RFX3: variants seen among roughly 807,000 people sequenced by gnomAD.
RFX3 encodes regulatory factor X3.
Under a neutral mutation model 98.6 loss-of-function variants are expected in RFX3, and 14 were observed. That is an observed-to-expected ratio of 0.14 (90% CI 0.09 to 0.22). The LOEUF (loss-of-function observed/expected upper bound fraction) is 0.22, where lower values mean the gene tolerates loss of function less well. Among genes scored for constraint, RFX3 ranks in the 10% least tolerant of loss-of-function variants. RFX3 has a pLI of 1.00. For missense variants in RFX3, 639 were observed against 926.9 expected, an observed-to-expected ratio of 0.69 and a Z score of 4.03; for synonymous variants, 383 against 328.4, an observed-to-expected ratio of 1.17 and a Z score of -1.80.
intron 1 of RFX3, among the ~76,000 whole-genome samples, chr9:3,504,864 T>TATATTATATATAATATATATAAC (rs1564185208): frequency 1.4e-5 from 1 of 71,020 alleles, no homozygotes; most frequent in Non-Finnish European, 2.2e-5. Context: ...TATGATATAA[T>TATATTATATATAATATATATAAC]ATATATTATA....
chr9:3,353,062 C>T (rs908363411), intron 2 of RFX3, among the ~76,000 whole-genome samples: 2 of 151,848 alleles, frequency 1.3e-5, no homozygotes, highest in East Asian at 1.9e-4. Flanking sequence ...ATGGATGAAA[C>T]TGGAAATCAT....
intron 7 of RFX3, among the ~76,000 whole-genome samples, chr9:3,281,705 C>T (rs1164169029): frequency 1.3e-5 from 2 of 151,710 alleles, no homozygotes; most frequent in African/African-American, 4.8e-5. Flanking sequence ...TGCATAAAAC[C>T]TGTCACTAAC....
chr9:3,444,603 G>A (rs998508105), intron 1 of RFX3, among the ~76,000 whole-genome samples: 48 of 152,096 alleles, frequency 3.2e-4, no homozygotes, highest in African/African-American at 9.4e-4. Flanking sequence ...CAACAAAGCT[G>A]TTTTTCACAA....
intron 2 of RFX3, among the ~76,000 whole-genome samples, chr9:3,350,823 A>C (rs979471469): frequency 6.6e-6 from 1 of 152,148 alleles, no homozygotes; most frequent in African/African-American, 2.4e-5. Flanking sequence ...CGTATGACCA[A>C]GTGAAAGAAG....
chr9:3,459,340 G>C (rs901409919), intron 1 of RFX3, among the ~76,000 whole-genome samples: 2 of 152,164 alleles, frequency 1.3e-5, no homozygotes, highest in South Asian at 4.1e-4. Flanking sequence ...TTTACCAAAG[G>C]GTTCTCATTC....
chr9:3,479,979 A>C (rs558663220), intron 1 of RFX3, among the ~76,000 whole-genome samples: 1 of 152,364 alleles, frequency 6.6e-6, no homozygotes, highest in African/African-American at 2.4e-5. Flanking sequence ...TTGGCAAGCC[A>C]AGGAAAGACC....
chr9:3,382,799 A>T (rs1839329116), intron 2 of RFX3, among the ~76,000 whole-genome samples: 3 of 152,168 alleles, frequency 2.0e-5, no homozygotes, highest in Non-Finnish European at 4.4e-5. Flanking sequence ...AGAGAAAATT[A>T]GGCAAAACCT....
rs139306764 is a variant in RFX3, at chr9:3,401,843, C to A, written c.-8-6247G>T. 1.8e-3 allele frequency among the ~76,000 whole-genome samples: 280 copies of A among 152,162 alleles called. 1 individual carries two copies. Among genetic ancestry groups the A allele is most frequent in the South Asian group, 0.016 (75 of 4,820 alleles). On this transcript the variant is annotated intron_variant, in intron 1 of 16. Coordinates refer to ENST00000617270, the MANE Select transcript of RFX3 (RefSeq NM_001282116.2). ...CATGCGAATCTACAGCTAAATAGGC[C>A]ACATTTTGAAAGAAGGCTAATTAAC...
intron 1 of RFX3, chr9:3,469,271 T>A: frequency 2.4e-6 from 1 of 418,562 alleles, no homozygotes; most frequent in Non-Finnish European, 4.8e-6. Flanking sequence ...TCTGTGTTCA[T>A]ATACTATTTC....
At position 3,475,961 on chromosome 9, in the gene RFX3, G is replaced by A. The variant is rs149223686; in HGVS notation, c.-9+49786C>T. On this transcript the variant is annotated intron_variant, in intron 1 of 16. Transcript: ENST00000617270. The stretch of plus-strand genomic sequence containing the variant: ...GCAACAGGCATCTTCCCAGACGCTG[G>A]CGTTACCGCTAGACCAAGGAGCTCT... 3.4e-4 allele frequency among the ~76,000 whole-genome samples: 52 copies of A among 152,268 alleles called. No individual in the cohort carries two copies. In the East Asian group the frequency reaches 8.7e-3, roughly 25 times the overall value.
chr9:3,336,943 T>A (rs543063340), intron 3 of RFX3, among the ~76,000 whole-genome samples: 1 of 152,230 alleles, frequency 6.6e-6, no homozygotes, highest in Non-Finnish European at 1.5e-5. Context: ...TATGTATGTG[T>A]GTACTTACCA....
chr9:3,313,924 A>T (rs1276233256), intron 4 of RFX3, among the ~76,000 whole-genome samples: 1 of 152,240 alleles, frequency 6.6e-6, no homozygotes, highest in Non-Finnish European at 1.5e-5. Context: ...GATGGGGAGA[A>T]TGGAACCAAG....
At chr9:3,279,240 T>C (rs569717396) in intron 7 of RFX3, among the ~76,000 whole-genome samples, 25 of 151,774 alleles carry the variant, frequency 1.6e-4, no homozygotes, top group Non-Finnish European at 3.2e-4. Context: ...TTCTTTTCCT[T>C]ATTGATTCAT....
At chr9:3,299,198 A>G (rs141814948) in intron 5 of RFX3, among the ~76,000 whole-genome samples, 1 of 151,910 alleles carries the variant, frequency 6.6e-6, no homozygotes, top group African/African-American at 2.4e-5. Flanking sequence ...ATTCTACACA[A>G]CATAAAAACA....
chr9:3,444,844 T>G (rs1313712796), intron 1 of RFX3, among the ~76,000 whole-genome samples: 1 of 152,222 alleles, frequency 6.6e-6, no homozygotes, highest in Non-Finnish European at 1.5e-5. Flanking sequence ...GAACATGGAA[T>G]GGACTGCTTT....
chr9:3,282,507 GT>G (rs1265265868), intron 7 of RFX3, among the ~76,000 whole-genome samples: 1 of 151,742 alleles, frequency 6.6e-6, no homozygotes, highest in Non-Finnish European at 1.5e-5. Flanking sequence ...GAAAATCAGA[GT>G]TGTGGGTCAT....
intron 15 of RFX3, among the ~76,000 whole-genome samples, chr9:3,239,150 A>G (rs1300573491): frequency 1.3e-5 from 2 of 152,214 alleles, no homozygotes; most frequent in African/African-American, 4.8e-5. Context: ...TGTCTCCCAA[A>G]CAAGAACCAA....
intron 3 of RFX3, among the ~76,000 whole-genome samples, chr9:3,337,280 G>C (rs1481873002): frequency 6.6e-6 from 1 of 152,200 alleles, no homozygotes; most frequent in Non-Finnish European, 1.5e-5. Flanking sequence ...GCTCAGTGTA[G>C]TGAGGGCATT....
intron 2 of RFX3, among the ~76,000 whole-genome samples, chr9:3,382,281 A>C (rs1021185043): frequency 6.6e-6 from 1 of 152,216 alleles, no homozygotes; most frequent in African/African-American, 2.4e-5. Context: ...TTAAGAGTTT[A>C]AATTATAAAA....
Sources: gnomAD v4.1 joint callset for allele counts (sites outside exome capture counted in the v4.1 genomes callset) on GRCh38, gnomAD v4.1.1 for gene constraint, MANE v1.5 for transcripts, NCBI Gene and HGNC (gene_info 2026-07-23, HGNC 2026-07-21) for gene names.